GRIP1: variants seen among roughly 807,000 people sequenced by gnomAD.
GRIP1 encodes glutamate receptor-interacting protein 1.
A neutral mutation model predicts 129.9 loss-of-function variants in GRIP1; 45 were observed. The observed-to-expected ratio is 0.35, with a 90% CI of 0.27 to 0.44. GRIP1 has a LOEUF of 0.44. Among genes scored for constraint, GRIP1 ranks in the 20% least tolerant of loss-of-function variants. The pLI is 1.00. For synonymous variants in GRIP1, 530 were observed against 520.8 expected (o/e 1.02, Z -0.24); for missense variants, 1,196 against 1,396.8 (o/e 0.86, Z 2.29).
At chr12:66,652,786 G>A (rs1489004049) in intron 1 of GRIP1, among the ~76,000 whole-genome samples, 1 of 152,088 alleles carries the variant, frequency 6.6e-6, no homozygotes, top group Non-Finnish European at 1.5e-5. Context: ...AGTCTGGTCT[G>A]GCCTTTTAGA....
At chr12:66,562,307 T>C (rs1241833340) in intron 2 of GRIP1, among the ~76,000 whole-genome samples, 1 of 152,194 alleles carries the variant, frequency 6.6e-6, no homozygotes, top group Non-Finnish European at 1.5e-5. Context: ...CTGATGTCCA[T>C]ATTTTCTATA....
At chr12:67,012,888 A>G (rs1250911989) in intron 1 of GRIP1, among the ~76,000 whole-genome samples, 1 of 152,212 alleles carries the variant, frequency 6.6e-6, no homozygotes, top group Non-Finnish European at 1.5e-5. Flanking sequence ...ATGATGAAGA[A>G]GTGTGTCTCT....
chr12:66,541,436 A>G (rs1854635379), intron 3 of GRIP1, among the ~76,000 whole-genome samples: 1 of 152,204 alleles, frequency 6.6e-6, no homozygotes, highest in Non-Finnish European at 1.5e-5. Context: ...ACTTTTCCCC[A>G]TTCACATTAT....
At chr12:66,827,037 T>C (rs950522978) in intron 1 of GRIP1, among the ~76,000 whole-genome samples, 1 of 152,132 alleles carries the variant, frequency 6.6e-6, no homozygotes, top group East Asian at 1.9e-4. Flanking sequence ...CTTTTGGAGG[T>C]AGAAAGAAAA....
intron 19 of GRIP1, among the ~76,000 whole-genome samples, chr12:66,384,061 C>G (rs2056245251): frequency 6.6e-6 from 1 of 152,132 alleles, no homozygotes; most frequent in Non-Finnish European, 1.5e-5. Context: ...CATACCAGCT[C>G]GAAGTGCCTG....
chr12:67,049,970 C>CT (rs62802760), intron 1 of GRIP1, among the ~76,000 whole-genome samples: 12,359 of 126,544 alleles, frequency 0.098, 637 homozygotes, highest in African/African-American at 0.14. Flanking sequence ...ATTTGAATTT[C>CT]TTTTTTTTTT....
intron 1 of GRIP1, among the ~76,000 whole-genome samples, chr12:66,990,988 A>G (rs574408070): frequency 1.6e-4 from 25 of 151,642 alleles, no homozygotes; most frequent in African/African-American, 6.1e-4. Context: ...AAAAAAAAAA[A>G]AAAGAAAGAA....
chr12:66,535,361 T>TAA (rs72386203), intron 4 of GRIP1, among the ~76,000 whole-genome samples: 10,425 of 146,706 alleles, frequency 0.071, 444 homozygotes, highest in Admixed American at 0.14. Context: ...CATTTAAAGT[T>TAA]AAAAAAAAAA....
At chr12:66,956,199 G>A (rs924069747) in intron 1 of GRIP1, among the ~76,000 whole-genome samples, 1 of 152,092 alleles carries the variant, frequency 6.6e-6, no homozygotes, top group African/African-American at 2.4e-5. Context: ...TTAGTCATCG[G>A]GCCTGTTTAG....
chr12:66,939,246 G>T (rs1447208765), intron 1 of GRIP1, among the ~76,000 whole-genome samples: 1 of 152,110 alleles, frequency 6.6e-6, no homozygotes, highest in East Asian at 1.9e-4. Context: ...GGCACTTTGG[G>T]GAGACTGAGG....
rs139271383 is a variant in GRIP1, at chr12:66,663,086, A to G, written c.55+15764T>C. On this transcript the variant is annotated intron_variant, in intron 1 of 24. Transcript: ENST00000359742. ...TTTCTCATTAACCTTTATCACAGCA[A>G]CTTGATAATGTTCTGAGATCAATTG... 9.6e-4 allele frequency among the ~76,000 whole-genome samples: 146 copies of G among 152,336 alleles called. 1 individual carries two copies. In the East Asian group the frequency reaches 0.022, roughly 23 times the overall value.
At chr12:66,626,688 A>C (rs1056573314) in intron 1 of GRIP1, 1 of 152,744 alleles carries the variant, frequency 6.5e-6, no homozygotes, top group Non-Finnish European at 1.5e-5. Flanking sequence ...GGGGAAGGTG[A>C]GAAGGCCTTA....
At chr12:66,521,763 G>A (rs1195903457) in intron 5 of GRIP1, among the ~76,000 whole-genome samples, 1 of 152,330 alleles carries the variant, frequency 6.6e-6, no homozygotes, top group East Asian at 1.9e-4. Context: ...CAAAGAAAGG[G>A]GTGACAGACG....
At chr12:66,503,440 A>G (rs1281236630) in intron 7 of GRIP1, among the ~76,000 whole-genome samples, 1 of 152,136 alleles carries the variant, frequency 6.6e-6, no homozygotes, top group Non-Finnish European at 1.5e-5. Flanking sequence ...GTGGGCCAGC[A>G]TATAAAGCCC....
At chr12:66,960,731 A>G (rs1407926267) in intron 1 of GRIP1, among the ~76,000 whole-genome samples, 1 of 152,186 alleles carries the variant, frequency 6.6e-6, no homozygotes, top group Admixed American at 6.6e-5. Context: ...CATCTAGTGA[A>G]GAAAGGCCAG....
intron 1 of GRIP1, among the ~76,000 whole-genome samples, chr12:66,865,504 A>AATTTTTTTTTT (rs2040188864): frequency 6.6e-6 from 1 of 150,504 alleles, no homozygotes. Flanking sequence ...GAAATATGTT[A>AATTTTTTTTTT]TTTTCTAGCT....
chr12:66,751,984 T>C (rs2037138728), intron 1 of GRIP1, among the ~76,000 whole-genome samples: 1 of 152,086 alleles, frequency 6.6e-6, no homozygotes. Context: ...AAGGTAAGCA[T>C]GCCACAAATC....
intron 1 of GRIP1, among the ~76,000 whole-genome samples, chr12:67,041,584 G>A (rs977295808): frequency 6.6e-6 from 1 of 152,038 alleles, no homozygotes; most frequent in Non-Finnish European, 1.5e-5. Flanking sequence ...ATCAAAAAAG[G>A]AGTGGGTGAT....
rs764558622 is a variant in GRIP1 at position 66,541,929 on chromosome 12, A to G, written c.158T>C (p.Val53Ala). 4 of 1,613,870 alleles carry G rather than the reference A, an allele frequency of 2.5e-6. No individual in the cohort carries two copies. Among genetic ancestry groups the G allele is most frequent in the South Asian group, 2.2e-5 (2 of 91,068 alleles). The change falls in exon 3 of 25, where the codon GTC becomes GCC. Residue 53 changes from valine to alanine, a missense_variant. Around this residue, in one of 5 missense-constraint regions of GRIP1, gnomAD observed 217 missense variants for 224.8 expected, o/e 0.97. Coordinates refer to ENST00000359742, the MANE Select transcript of GRIP1 (RefSeq NM_001366722.1). ...SIPEEFKGST[V>A]VELMKKEGTT... Reference sequence around the variant, plus strand: ...GCCTTCCTTCTTCATCAGCTCGACGACTGTGGAGCCCTTGAATTCCTCTGT... The same window carrying G: ...GCCTTCCTTCTTCATCAGCTCGACGGCTGTGGAGCCCTTGAATTCCTCTGT...
Sources: gnomAD v4.1 joint callset for allele counts (sites outside exome capture counted in the v4.1 genomes callset) on GRCh38, gnomAD v4.1.1 for gene constraint, gnomAD v4.1.1 regional missense constraint, MANE v1.5 for transcripts, NCBI Gene and HGNC (gene_info 2026-07-23, HGNC 2026-07-21) for gene names.